The following MDN1 variants were observed in gnomAD, a reference collection of about 807,000 sequenced individuals.
MDN1 encodes midasin AAA ATPase 1, also known as midasin.
Under a neutral mutation model 669.2 loss-of-function variants are expected in MDN1, and 266 were observed. The observed-to-expected ratio is 0.40, with a 90% CI of 0.36 to 0.44. The LOEUF (loss-of-function observed/expected upper bound fraction) is 0.44, where lower values mean the gene tolerates loss of function less well. MDN1 is among the 20% of genes least tolerant of loss of function. The pLI is 1.00. For missense variants in MDN1, 5,940 were observed against 6,754.0 expected (o/e 0.88, Z 4.22); for synonymous variants, 2,385 against 2,457.1 (o/e 0.97, Z 0.87).
chr6:89,738,846 G>A (rs1009951375), intron 32 of MDN1, among the ~76,000 whole-genome samples: 1 of 152,160 alleles, frequency 6.6e-6, no homozygotes, highest in Non-Finnish European at 1.5e-5. Context: ...CCACAGAGAA[G>A]GGCAGTCTGA....
intron 72 of MDN1, 76 bp from the exon 73 acceptor site, chr6:89,683,406 C>A: frequency 8.6e-7 from 1 of 1,166,298 alleles, no homozygotes; most frequent in Non-Finnish European, 1.2e-6. Context: ...AATACATTAT[C>A]ATGCATCCAT....
intron 93 of MDN1, among the ~76,000 whole-genome samples, chr6:89,653,577 C>T (rs1809036397): frequency 6.6e-6 from 1 of 152,232 alleles, no homozygotes; most frequent in South Asian, 2.1e-4. Flanking sequence ...CAAAGCCTGG[C>T]TTGTCACATA....
At chr6:89,789,156 C>T (rs1819124507) in intron 7 of MDN1, among the ~76,000 whole-genome samples, 1 of 151,866 alleles carries the variant, frequency 6.6e-6, no homozygotes, top group African/African-American at 2.4e-5. Flanking sequence ...AAATTAAAAC[C>T]AATCTCGGGA....
chr6:89,687,336 T>C lies in MDN1; in HGVS notation c.11450+8A>G. On this transcript the variant is annotated splice_region_variant and intron_variant, in intron 68 of 101. Coordinates refer to ENST00000369393, the MANE Select transcript of MDN1 (RefSeq NM_014611.3). ...CTAAGTTTAGGAGAGGGAAGGAGAGTCACTTACTTCAGCTCCAGTTTACGC... is the reference window on the plus strand; with the variant it reads ...CTAAGTTTAGGAGAGGGAAGGAGAGCCACTTACTTCAGCTCCAGTTTACGC... 1 of 1,610,580 alleles carries C rather than the reference T, an allele frequency of 6.2e-7. No individual in the cohort carries two copies. Among genetic ancestry groups the C allele is most frequent in the African/African-American group, 1.3e-5 (1 of 74,660 alleles).
At chr6:89,655,596 C>CA (rs2128299513) in intron 92 of MDN1, among the ~76,000 whole-genome samples, 168 bp downstream of exon 92, 1 of 152,274 alleles carries the variant, frequency 6.6e-6, no homozygotes, top group African/African-American at 2.4e-5. Context: ...TAAGTGTATA[C>CA]AATCAGCTGC....
intron 37 of MDN1, among the ~76,000 whole-genome samples, chr6:89,725,788 GA>G (rs1226813147): frequency 6.7e-6 from 1 of 150,082 alleles, no homozygotes; most frequent in Admixed American, 6.7e-5. Flanking sequence ...TGTTGTCCAG[GA>G]TGGTCTCAAA....
chr6:89,797,462 C>T (rs9351219), intron 2 of MDN1: 66,763 of 184,208 alleles, frequency 0.36, 13,103 homozygotes, highest in East Asian at 0.69. Flanking sequence ...TTGTGGTCGG[C>T]GGCTGTGTTG....
chr6:89,816,295 G>GGA (rs1768824550), intron 1 of MDN1, among the ~76,000 whole-genome samples: 2 of 152,196 alleles, frequency 1.3e-5, no homozygotes, highest in Middle Eastern at 3.4e-3. Context: ...GGCTACTCGA[G>GGA]AGGCTGAGGC....
rs769872893 is a variant in MDN1 at position 89,692,841 on chromosome 6, C to T, written c.10189G>A (p.Val3397Met). 99 of 1,614,204 alleles carry T rather than the reference C, an allele frequency of 6.1e-5. No individual in the cohort carries two copies. Among genetic ancestry groups the T allele is most frequent in the Middle Eastern group, 1.6e-4 (1 of 6,062 alleles). Reference protein sequence around the residue: ...SEEYTFYPDAVSPLQASILQL... With the variant: ...SEEYTFYPDAMSPLQASILQL... ...AATATGGATGCCTGCAGTGGGCTCA[C>T]GGCATCTGGATAGAAGGTGTACTCC... Residue 3397 changes from valine to methionine, a missense_variant, in exon 63 of 102, where the codon GTG becomes ATG. Physicochemically the swap from Val to Met is conservative, Grantham distance 21 (BLOSUM62 1). Around this residue, in one of 5 missense-constraint regions of MDN1, gnomAD observed 150 missense variants for 234.2 expected, o/e 0.64. Coordinates refer to ENST00000369393, the MANE Select transcript of MDN1 (RefSeq NM_014611.3).
chr6:89,650,691 T>C, intron 96 of MDN1, 41 bp downstream of exon 96: 1 of 1,477,086 alleles, frequency 6.8e-7, no homozygotes, highest in Non-Finnish European at 9.4e-7. Context: ...AGCTGCCGTC[T>C]TCTCAGGGCA....
intron 1 of MDN1, among the ~76,000 whole-genome samples, chr6:89,809,194 G>A (rs1001408290): frequency 2.4e-4 from 34 of 142,354 alleles, no homozygotes; most frequent in Admixed American, 2.4e-3. Context: ...TCCAGCCTGG[G>A]TGACAGGTGA....
intron 36 of MDN1, among the ~76,000 whole-genome samples, chr6:89,728,541 A>T (rs1226577396): frequency 6.6e-6 from 1 of 152,226 alleles, no homozygotes. Flanking sequence ...GAAATATCTG[A>T]GGATACAGGC....
chr6:89,776,296 T>C (rs1005304929), intron 12 of MDN1, among the ~76,000 whole-genome samples: 8 of 151,968 alleles, frequency 5.3e-5, no homozygotes, highest in Admixed American at 1.3e-4. Flanking sequence ...ACCCCATCTC[T>C]ACTAAAAATA....
intron 1 of MDN1, chr6:89,815,101 T>G (rs1584413895): frequency 2.3e-6 from 1 of 431,630 alleles, no homozygotes; most frequent in East Asian, 5.7e-5. Flanking sequence ...AGAAGAGGAT[T>G]CAGCTGTATG....
In MDN1 at chr6:89,734,524, C is replaced by T. The variant is rs142375440; in HGVS notation, c.4724-1749G>A. Among the ~76,000 whole-genome samples, 13 of 151,748 alleles carry T rather than the reference C, an allele frequency of 8.6e-5. No homozygotes were observed. The East Asian group carries it at 1.8e-3, about 20-fold the overall frequency. ...AAAAATTAGCTGGCCATGGTGGGCA[C>T]GTCTGTAGTTCCAGCTACTTGGCTA... is the stretch of plus-strand genomic sequence containing the variant. On this transcript the variant is annotated intron_variant, in intron 33 of 101. Coordinates refer to ENST00000369393, the MANE Select transcript of MDN1 (RefSeq NM_014611.3).
At chr6:89,780,075 A>C in intron 11 of MDN1, 137 bp downstream of exon 11, 1 of 549,454 alleles carries the variant, frequency 1.8e-6, no homozygotes, top group Non-Finnish European at 3.1e-6. Context: ...TCTCAAAAAA[A>C]AAAAACAAAA....
chr6:89,709,785 T>C (rs1182207771), intron 50 of MDN1, among the ~76,000 whole-genome samples: 1 of 152,262 alleles, frequency 6.6e-6, no homozygotes, highest in Non-Finnish European at 1.5e-5. Flanking sequence ...TACTCTGTTC[T>C]AGGAAATGTT....
rs1810896677 is a variant in MDN1, at chr6:89,672,714, C to G, written c.13475-12G>C. On this transcript the variant is annotated splice_polypyrimidine_tract_variant and intron_variant, in intron 80 of 101. Coordinates refer to ENST00000369393, the MANE Select transcript of MDN1 (RefSeq NM_014611.3). ...CAACATTTGATTTCCTAGCAGGTAA[C>G]ATGGTGCAAAACAAACATACAAACA... is the stretch of plus-strand genomic sequence containing the variant. 1.2e-6 allele frequency: 2 copies of G among 1,612,328 alleles called. No individual in the cohort carries two copies. Among genetic ancestry groups the G allele is most frequent in the Non-Finnish European group, 1.7e-6 (2 of 1,179,498 alleles).
chr6:89,710,919 T>A lies in MDN1; in HGVS notation c.7652-125A>T. 6.9e-6 allele frequency: 4 copies of A among 580,208 alleles called. No homozygotes were observed. In the South Asian group the frequency reaches 8.8e-5, roughly 13 times the overall value. The allele number at this position is 580,208 out of a possible 1,614,324, so 35.9% of individuals were successfully genotyped here. ...ACTAGTCACATATGAGGACCTGAAA[T>A]GTGGCCAGTGCAACTAAAGGACTGG... On this transcript the variant is annotated intron_variant, in intron 49 of 101. Coordinates refer to ENST00000369393, the MANE Select transcript of MDN1 (RefSeq NM_014611.3).
Sources: allele counts gnomAD v4.1 joint callset (sites outside exome capture counted in the v4.1 genomes callset), GRCh38; gene constraint gnomAD v4.1.1; regional missense constraint gnomAD v4.1.1; transcripts MANE v1.5; gene names NCBI Gene and HGNC (gene_info 2026-07-23, HGNC 2026-07-21).